Variants in CCND3 observed in about 807,000 individuals in gnomAD.
The protein encoded by CCND3 is G1/S-specific cyclin-D3.
A neutral mutation model predicts 28.7 loss-of-function variants in CCND3; 9 were observed. That is an observed-to-expected ratio of 0.31 (90% CI 0.19 to 0.55). CCND3 has a LOEUF of 0.55. Among genes scored for constraint, CCND3 ranks in the 20% least tolerant of loss-of-function variants. The pLI is 0.93. For missense variants in CCND3, 315 were observed against 385.8 expected, an observed-to-expected ratio of 0.82 and a Z score of 1.54; for synonymous variants, 164 against 163.9, an observed-to-expected ratio of 1.00 and a Z score of 0.00.
chr6:41,970,930 C>G (rs913270694), intron 1 of CCND3, among the ~76,000 whole-genome samples: 2 of 151,470 alleles, frequency 1.3e-5, no homozygotes, highest in Non-Finnish European at 1.5e-5. Context: ...TTTTTTTCCC[C>G]CCCTTGAGAC....
In CCND3 at chr6:41,935,277, T is replaced by G; in HGVS notation, c.*663A>C. The stretch of plus-strand genomic sequence containing the variant: ...TGGCCAGGACCCCATTATGTCCTCT[T>G]AAAGTTGTGCTCAAAGCAATTAATA... On this transcript the variant is annotated 3_prime_UTR_variant, in exon 5 of 5. Coordinates refer to ENST00000372991, the MANE Select transcript of CCND3 (RefSeq NM_001760.5). The G allele has an allele frequency of 4.3e-6, 1 of 233,756 alleles. No individual in the cohort carries two copies. Among genetic ancestry groups the G allele is most frequent in the Non-Finnish European group, 8.5e-6 (1 of 118,086 alleles). 14.5% of individuals were successfully genotyped at this position (233,756 alleles called of 1,614,324 possible). A position where few individuals can be genotyped will look rare whatever the true frequency, so the allele number is the denominator to read the frequency against.
Position 42,048,792 on chromosome 6 carries a change from C to T in CCND3, c.-337G>A, listed in dbSNP as rs1248116204. 2 of 434,494 alleles carry T rather than the reference C, an allele frequency of 4.6e-6. No homozygotes were observed. The highest frequency in any genetic ancestry group is 7.3e-5 in the East Asian group (1 of 13,734). The allele number at this position is 434,494 out of a possible 1,614,324, so 26.9% of individuals were successfully genotyped here. A position where few individuals can be genotyped will look rare whatever the true frequency, so the allele number is the denominator to read the frequency against. On this transcript the variant is annotated 5_prime_UTR_variant, in exon 1 of 5. Coordinates refer to the CCND3 transcript ENST00000372988. The surrounding 1 kb of genome is among the most constrained non-coding windows in gnomAD (Gnocchi z 4.7). ...TGCTCTGCTCAGCCAAGTTTCGGTC[C>T]CCGGCCTGACTCTCCCACCCCCTGT...
At chr6:42,037,236 G>T (rs996686596) in intron 1 of CCND3, among the ~76,000 whole-genome samples, 2 of 148,928 alleles carry the variant, frequency 1.3e-5, no homozygotes, top group African/African-American at 2.5e-5. Flanking sequence ...CACTGTGCCC[G>T]GCCGTTTTGT....
intron 1 of CCND3, among the ~76,000 whole-genome samples, chr6:41,993,386 A>G (rs1200065387): frequency 6.8e-6 from 1 of 147,610 alleles, no homozygotes; most frequent in Non-Finnish European, 1.5e-5. Context: ...CCATATATCA[A>G]TATATTTGTT....
intron 1 of CCND3, among the ~76,000 whole-genome samples, chr6:42,029,413 A>G (rs1763981381): frequency 6.6e-6 from 1 of 152,180 alleles, no homozygotes; most frequent in Admixed American, 6.6e-5. Context: ...ACACCTGTCC[A>G]GTAGTTTGTT....
chr6:42,012,202 T>C (rs562251839), intron 1 of CCND3, among the ~76,000 whole-genome samples: 2 of 152,262 alleles, frequency 1.3e-5, no homozygotes, highest in East Asian at 3.9e-4. Context: ...AGCATAACAT[T>C]GGAGACCAGG....
chr6:41,982,858 TG>T lies in CCND3; in HGVS notation c.-45-42274del, dbSNP rs371274495. Among the ~76,000 whole-genome samples the T allele has an allele frequency of 4.7e-4, 62 of 132,602 alleles. 2 individuals carry two copies. In the South Asian group the frequency reaches 0.014, roughly 30 times the overall value. 87.0% of individuals were successfully genotyped at this position (132,602 alleles called of 152,430 possible). ...AGATAGCCTTTTCAACAAATGGTGC[TG>T]GAACAACTGGACATCCACATGCAAA... On this transcript the variant is annotated intron_variant, in intron 1 of 4. Transcript: ENST00000372988.
intron 1 of CCND3, among the ~76,000 whole-genome samples, chr6:42,021,684 AG>A: frequency 3.3e-5 from 5 of 152,302 alleles, no homozygotes; most frequent in Admixed American, 3.3e-4. Context: ...AGGAGGATAA[AG>A]GGCATTCCAG....
At chr6:42,042,112 C>T (rs968631299) in intron 1 of CCND3, among the ~76,000 whole-genome samples, 3 of 152,076 alleles carry the variant, frequency 2.0e-5, no homozygotes, top group Non-Finnish European at 4.4e-5. Context: ...GCTTGTGGAC[C>T]GATTTTTATT....
intron 1 of CCND3, among the ~76,000 whole-genome samples, chr6:41,954,505 T>TGCGGTG (rs1776393501): frequency 6.7e-6 from 1 of 148,734 alleles, no homozygotes; most frequent in African/African-American, 2.5e-5. Context: ...GAGCGGAGAA[T>TGCGGTG]AGCGCCATTG....
chr6:41,966,649 T>C (rs1304487495), intron 1 of CCND3, among the ~76,000 whole-genome samples: 1 of 152,156 alleles, frequency 6.6e-6, no homozygotes, highest in African/African-American at 2.4e-5. Context: ...GTAAACTGTC[T>C]CTTAGTTAGG....
At position 41,957,720 on chromosome 6, in the gene CCND3, G is replaced by A. The variant is rs1020388820; in HGVS notation, c.-45-17135C>T. Among the ~76,000 whole-genome samples, 3 of 152,180 alleles carry A rather than the reference G, an allele frequency of 2.0e-5. No individual in the cohort carries two copies. The South Asian group carries it at 6.2e-4, about 31-fold the overall frequency. On this transcript the variant is annotated intron_variant, in intron 1 of 4. Transcript: ENST00000372988. ...GAAGAGGTACCCTGCATGAAGATGT[G>A]TGCTTTGATTCCTGCCTCTCTGCTC...
chr6:42,013,336 G>A (rs1486994679), intron 1 of CCND3, among the ~76,000 whole-genome samples: 1 of 152,128 alleles, frequency 6.6e-6, no homozygotes, highest in Non-Finnish European at 1.5e-5. Context: ...ATGGTTAACT[G>A]CCATTGGTCT....
intron 1 of CCND3, among the ~76,000 whole-genome samples, chr6:41,981,113 A>G (rs1403786822): frequency 1.9e-5 from 2 of 107,724 alleles, no homozygotes; most frequent in African/African-American, 7.2e-5. Context: ...ATTATTATTT[A>G]TGTAGAAAAT....
At chr6:41,954,542 A>C in intron 1 of CCND3, among the ~76,000 whole-genome samples, 1 of 130,250 alleles carries the variant, frequency 7.7e-6, no homozygotes. Flanking sequence ...ACAGAGCAAG[A>C]CTCTGTCTCA....
At chr6:42,001,285 C>G (rs1347920663) in intron 1 of CCND3, among the ~76,000 whole-genome samples, 1 of 128,760 alleles carries the variant, frequency 7.8e-6, no homozygotes. Flanking sequence ...GAAATGAAAA[C>G]GTATGTCTAC....
intron 1 of CCND3, among the ~76,000 whole-genome samples, chr6:42,004,634 G>A (rs964670446): frequency 1.3e-5 from 2 of 152,134 alleles, no homozygotes; most frequent in African/African-American, 4.8e-5. Context: ...CGGAGGCTGA[G>A]GCAGAGAACT....
intron 1 of CCND3, among the ~76,000 whole-genome samples, chr6:41,998,925 C>T (rs1222032421): frequency 6.6e-5 from 10 of 150,926 alleles, no homozygotes; most frequent in Admixed American, 1.3e-4. Context: ...GTGATCCGCC[C>T]GCCTCGGCCT....
At chr6:41,987,719 C>G (rs1762531160) in intron 1 of CCND3, among the ~76,000 whole-genome samples, 1 of 150,994 alleles carries the variant, frequency 6.6e-6, no homozygotes, top group Admixed American at 6.6e-5. Flanking sequence ...CCAGACTGGT[C>G]TCGAACTCTT....
Sources: gnomAD v4.1 joint callset for allele counts (sites outside exome capture counted in the v4.1 genomes callset) on GRCh38, gnomAD v4.1.1 for gene constraint, Gnocchi (gnomAD v3.1) non-coding constraint, MANE v1.5 for transcripts, NCBI Gene and HGNC (gene_info 2026-07-23, HGNC 2026-07-21) for gene names.